The following CHD6 variants were observed in gnomAD, a reference collection of about 807,000 sequenced individuals.
CHD6 encodes the protein chromodomain helicase DNA binding protein 6, also known as ATP-dependent chromatin remodeler CHD6.
CHD6 carries 50 observed loss-of-function variants against 276.9 expected under a neutral mutation model. That is an observed-to-expected ratio of 0.18 (90% CI 0.14 to 0.23). The LOEUF is 0.23. Ranked by LOEUF, CHD6 falls within the 10% of genes least tolerant of loss-of-function variation. CHD6 has a pLI of 1.00. For missense variants in CHD6, 2,564 were observed against 3,365.8 expected (o/e 0.76, Z 5.89); for synonymous variants, 1,173 against 1,229.3 (o/e 0.95, Z 0.96).
At chr20:41,447,684 CT>C (rs2048112850) in intron 24 of CHD6, among the ~76,000 whole-genome samples, 197 bp downstream of exon 24, 1 of 152,156 alleles carries the variant, frequency 6.6e-6, no homozygotes. Flanking sequence ...AAATGGTTTT[CT>C]CCTTTATTTT....
chr20:41,463,036 T>C (rs1013953459), intron 17 of CHD6, among the ~76,000 whole-genome samples: 1 of 152,076 alleles, frequency 6.6e-6, no homozygotes, highest in African/African-American at 2.4e-5. Flanking sequence ...ATGTAAGAAA[T>C]TACTCAAAGA....
At chr20:41,558,570 A>G (rs2045265583) in intron 1 of CHD6, among the ~76,000 whole-genome samples, 1 of 152,228 alleles carries the variant, frequency 6.6e-6, no homozygotes, top group Non-Finnish European at 1.5e-5. Flanking sequence ...ATTAAGAAAA[A>G]GGGTGCCAAG....
chr20:41,514,711 C>A (rs575334711), intron 4 of CHD6, 94 bp downstream of exon 4: 3 of 1,409,000 alleles, frequency 2.1e-6, no homozygotes, highest in Non-Finnish European at 2.9e-6. Flanking sequence ...AGGGAGTGTG[C>A]TAGAGAAAGG....
intron 20 of CHD6, among the ~76,000 whole-genome samples, chr20:41,454,258 C>T (rs1435045784): frequency 6.6e-6 from 1 of 152,200 alleles, no homozygotes; most frequent in Non-Finnish European, 1.5e-5. Flanking sequence ...TTTTGTCATG[C>T]TTTTTCCCTC....
Position 41,437,667 on chromosome 20 carries a change from G to A in CHD6, c.4008-333C>T, listed in dbSNP as rs139028870. On this transcript the variant is annotated intron_variant, in intron 26 of 36. Coordinates refer to ENST00000373233, the MANE Select transcript of CHD6 (RefSeq NM_032221.5). ...ATAAAGTGGAACTTCCAAGTCAGCC[G>A]TCTGTACCCATGGAGGATTGGTTCT... Among the ~76,000 whole-genome samples, 1,454 of 152,270 alleles carry A rather than the reference G, an allele frequency of 9.5e-3. 21 individuals are homozygous for A. The highest frequency in any genetic ancestry group is 0.033 in the Admixed American group (502 of 15,298).
intron 26 of CHD6, 23 bp downstream of exon 26, chr20:41,439,977 G>A (rs775798776): frequency 6.2e-7 from 1 of 1,612,784 alleles, no homozygotes; most frequent in Non-Finnish European, 8.5e-7. Context: ...GTCACATGAG[G>A]GCTGGCCTAC....
intron 33 of CHD6, 64 bp downstream of exon 33, chr20:41,416,524 A>T: frequency 1.4e-6 from 2 of 1,464,320 alleles, no homozygotes; most frequent in Non-Finnish European, 1.9e-6. Context: ...GAATGAACTC[A>T]ACAGAGACGT....
rs930210974 is a variant in CHD6, at chr20:41,541,227, CCGACTCATAATGGT to C, written c.34-7671_34-7658del. ...TCTGCATTTAGTATACAGTCAGTCC[CCGACTCATAATGGT>C]TTGATTTATGAATTTTCAACTTTAT... On this transcript the variant is annotated intron_variant, in intron 2 of 36. Transcript: ENST00000373233. 1.4e-4 allele frequency among the ~76,000 whole-genome samples: 22 copies of C among 152,208 alleles called. No homozygotes were observed. The East Asian group carries it at 2.3e-3, about 16-fold the overall frequency.
At chr20:41,413,999 G>C (rs1309443890) in intron 34 of CHD6, 1 of 152,228 alleles carries the variant, frequency 6.6e-6, no homozygotes, top group African/African-American at 2.4e-5. Flanking sequence ...ATAAGTGTTT[G>C]CATCAATAAA....
In CHD6 at chr20:41,473,558, T is replaced by C. The variant is rs2043104319; in HGVS notation, c.2469-41A>G. ...TGAACGAAAGCCCAGGCGTTAATCA[T>C]GACTTCAATGGAGAACAGCACAAAA... On this transcript the variant is annotated intron_variant, in intron 16 of 36. Transcript: ENST00000373233. This position sits in a 1 kb window ranked among gnomAD's most constrained non-coding sequence, Gnocchi z 4.1. 2.0e-6 allele frequency: 3 copies of C among 1,536,218 alleles called. No individual in the cohort carries two copies. Among genetic ancestry groups the C allele is most frequent in the African/African-American group, 1.4e-5 (1 of 73,410 alleles).
chr20:41,519,666 A>G (rs2145997122), intron 3 of CHD6, among the ~76,000 whole-genome samples: 1 of 152,320 alleles, frequency 6.6e-6, no homozygotes, highest in Non-Finnish European at 1.5e-5. Flanking sequence ...CCTTATACAA[A>G]ATTAATCCAA....
chr20:41,434,527 C>T (rs1332841178), intron 27 of CHD6, among the ~76,000 whole-genome samples: 1 of 152,084 alleles, frequency 6.6e-6, no homozygotes, highest in African/African-American at 2.4e-5. Context: ...TGCACCACCA[C>T]GCCTGGCTAA....
rs574347177 is a variant in CHD6 at position 41,579,437 on chromosome 20, C to CAAAAAAAAAA, written c.-23-28087_-23-28078dup. 5.1e-3 allele frequency among the ~76,000 whole-genome samples: 359 copies of CAAAAAAAAAA among 69,902 alleles called. 39 individuals are homozygous for CAAAAAAAAAA. Among genetic ancestry groups the CAAAAAAAAAA allele is most frequent in the African/African-American group, 0.018 (289 of 16,128 alleles). 45.9% of individuals were successfully genotyped at this position (69,902 alleles called of 152,430 possible). A position where few individuals can be genotyped will look rare whatever the true frequency, so the allele number is the denominator to read the frequency against. On this transcript the variant is annotated intron_variant, in intron 1 of 36. Coordinates refer to ENST00000373233, the MANE Select transcript of CHD6 (RefSeq NM_032221.5). Reference sequence around the variant, plus strand: ...TGGGCGACAGAGTGAGACTCTGTCTCAAAAAAAAAAAAAAAAAATCTTAAA... The same window carrying CAAAAAAAAAA: ...TGGGCGACAGAGTGAGACTCTGTCTCAAAAAAAAAAAAAAAAAAAAAAAAAAAATCTTAAA...
intron 16 of CHD6, among the ~76,000 whole-genome samples, chr20:41,479,591 G>T (rs2043248888): frequency 6.6e-6 from 1 of 151,670 alleles, no homozygotes; most frequent in South Asian, 2.1e-4. Flanking sequence ...CAAACAAATG[G>T]GAAAAAATAT....
intron 20 of CHD6, among the ~76,000 whole-genome samples, chr20:41,453,452 C>T (rs1461147591): frequency 6.6e-6 from 1 of 152,196 alleles, no homozygotes; most frequent in East Asian, 1.9e-4. Flanking sequence ...ACTGACAATA[C>T]CATCTCCAGC....
At chr20:41,581,017 T>C (rs537009815) in intron 1 of CHD6, among the ~76,000 whole-genome samples, 19 of 152,320 alleles carry the variant, frequency 1.2e-4, no homozygotes, top group Admixed American at 1.2e-3. Flanking sequence ...AATACAGAAG[T>C]AGTAGTTATA....
intron 19 of CHD6, among the ~76,000 whole-genome samples, chr20:41,455,467 A>G (rs1600900820): frequency 2.6e-5 from 4 of 152,360 alleles, no homozygotes; most frequent in East Asian, 1.9e-4. Context: ...TCAGTGATCA[A>G]GAAGTGCTCT....
chr20:41,440,824 T>G (rs893758912), intron 25 of CHD6, among the ~76,000 whole-genome samples: 1 of 152,214 alleles, frequency 6.6e-6, no homozygotes, highest in African/African-American at 2.4e-5. Context: ...TGAGACAGCA[T>G]TTGGCCACAT....
chr20:41,487,629 C>T (rs547372587), intron 14 of CHD6, 36 bp downstream of exon 14: 2 of 1,570,646 alleles, frequency 1.3e-6, no homozygotes, highest in African/African-American at 2.8e-5. Flanking sequence ...AGATAACGAT[C>T]ACACTGTCTC....
Sources: gnomAD v4.1 joint callset for allele counts (sites outside exome capture counted in the v4.1 genomes callset) on GRCh38, gnomAD v4.1.1 for gene constraint, Gnocchi (gnomAD v3.1) non-coding constraint, MANE v1.5 for transcripts, NCBI Gene and HGNC (gene_info 2026-07-23, HGNC 2026-07-21) for gene names.